Variants in CNKSR2 observed in about 807,000 individuals in gnomAD.
CNKSR2 encodes the protein connector enhancer of kinase suppressor of Ras 2, also known as CNK homolog protein 2.
Under a neutral mutation model 84.4 loss-of-function variants are expected in CNKSR2, and 14 were observed. That is an observed-to-expected ratio of 0.17 (90% confidence interval 0.11 to 0.26). CNKSR2 has a LOEUF of 0.26. Ranked by LOEUF, CNKSR2 falls within the 10% of genes least tolerant of loss-of-function variation. The probability of loss-of-function intolerance (pLI) is 1.00; values close to 1 mark genes in which losing one functional copy is unlikely to be tolerated. For missense variants in CNKSR2, 485 were observed against 771.2 expected (o/e 0.63, Z 4.40); for synonymous variants, 275 against 277.9 (o/e 0.99, Z 0.10).
chrX:21,580,094 C>T (rs754678310), intron 13 of CNKSR2, among the ~76,000 whole-genome samples: 5 of 111,504 alleles, frequency 4.5e-5, no homozygotes, highest in Admixed American at 2.9e-4. Context: ...TTCTTTTTTC[C>T]CTTCTGTTAG....
intron 4 of CNKSR2, among the ~76,000 whole-genome samples, chrX:21,451,466 A>AGACTG (rs919089954): frequency 3.6e-5 from 4 of 110,262 alleles, no homozygotes; most frequent in African/African-American, 1.3e-4. Context: ...TAACAATGAT[A>AGACTG]GACTGGATTA....
Position 21,606,910 on chromosome X carries a change from C to T in CNKSR2, c.2145+31C>T, listed in dbSNP as rs150773489. The T allele has an allele frequency of 1.6e-4, 125 of 765,440 alleles. 1 individual carries two copies. The East Asian group carries it at 4.1e-3, about 25-fold the overall frequency. 63.1% of individuals were successfully genotyped at this position (765,440 alleles called of 1,213,427 possible). A position where few individuals can be genotyped will look rare whatever the true frequency, so the allele number is the denominator to read the frequency against. ...TTAGCAACAAGAACATTACTTATCA[C>T]CAGATTCTTCTACCTGAAACATCCT... On this transcript the variant is annotated intron_variant, in intron 19 of 21. Coordinates refer to ENST00000379510, the MANE Select transcript of CNKSR2 (RefSeq NM_014927.5).
chrX:21,485,108 G>A (rs1348875903), intron 5 of CNKSR2, among the ~76,000 whole-genome samples: 2 of 110,911 alleles, frequency 1.8e-5, no homozygotes, highest in African/African-American at 3.3e-5. Context: ...GCTTGAACCC[G>A]GGAGGTGGAG....
At chrX:21,457,980 G>A (rs1015712717) in intron 4 of CNKSR2, among the ~76,000 whole-genome samples, 35 of 111,980 alleles carry the variant, frequency 3.1e-4, no homozygotes, top group African/African-American at 1.1e-3. Flanking sequence ...TAATAGACTG[G>A]AATCTGCTGT....
chrX:21,508,145 T>G lies in CNKSR2; in HGVS notation c.810+6557T>G, dbSNP rs1020450326. Among the ~76,000 whole-genome samples, 3 of 111,257 alleles carry G rather than the reference T, an allele frequency of 2.7e-5. No homozygotes were observed. In the Admixed American group the frequency reaches 2.9e-4, roughly 11 times the overall value. ...AAGTTCAAGACCAGCCTGGGCAACA[T>G]AGCGAGACCACGTCTCTACAGAAAA... On this transcript the variant is annotated intron_variant, in intron 8 of 21. Transcript: ENST00000379510.
At chrX:21,394,419 T>C (rs777917626) in intron 1 of CNKSR2, among the ~76,000 whole-genome samples, 1 of 112,176 alleles carries the variant, frequency 8.9e-6, no homozygotes, top group Non-Finnish European at 1.9e-5. Flanking sequence ...ACTTCTGTCA[T>C]GTAGCCACTT....
intron 3 of CNKSR2, among the ~76,000 whole-genome samples, chrX:21,435,565 C>G (rs1168654878): frequency 4.5e-5 from 5 of 111,603 alleles, no homozygotes; most frequent in Admixed American, 2.9e-4. Context: ...CAGACTTTCC[C>G]AGAGGAATAG....
chrX:21,588,022 A>C (rs1027103898), intron 13 of CNKSR2, among the ~76,000 whole-genome samples: 1 of 111,914 alleles, frequency 8.9e-6, no homozygotes, highest in Non-Finnish European at 1.9e-5. Flanking sequence ...ATGATAGGTC[A>C]CACAGAGCAT....
intron 11 of CNKSR2, among the ~76,000 whole-genome samples, chrX:21,533,311 G>T (rs2091901046): frequency 9.2e-6 from 1 of 109,059 alleles, no homozygotes; most frequent in Admixed American, 9.8e-5. Flanking sequence ...CCCTACCCTT[G>T]CCCCATGAAA....
In CNKSR2 at chrX:21,374,624, A is replaced by AGCCGCC. The variant is rs771330252; in HGVS notation, c.-272_-271insCGCCGC. The stretch of plus-strand genomic sequence containing the variant: ...CAGCAGCAGCAGCAGCAGCAGCAGC[A>AGCCGCC]GCAGCAGCCGCCGCCGCCGCCGCCT... On this transcript the variant is annotated 5_prime_UTR_variant, in exon 1 of 22. Transcript: ENST00000379510. The AGCCGCC allele has an allele frequency of 3.9e-6, 2 of 510,138 alleles. No individual in the cohort carries two copies. Among genetic ancestry groups the AGCCGCC allele is most frequent in the South Asian group, 2.5e-5 (1 of 39,436 alleles). 42.0% of individuals were successfully genotyped at this position (510,138 alleles called of 1,213,427 possible).
intron 5 of CNKSR2, among the ~76,000 whole-genome samples, chrX:21,475,422 A>G (rs1234628208): frequency 2.7e-5 from 3 of 112,118 alleles, no homozygotes; most frequent in African/African-American, 9.7e-5. Flanking sequence ...GTAGCCAACC[A>G]TTGACTAACC....
At chrX:21,601,379 G>A in intron 18 of CNKSR2, 30 bp downstream of exon 18, 1 of 918,675 alleles carries the variant, frequency 1.1e-6, no homozygotes, top group Non-Finnish European at 1.5e-6. Flanking sequence ...AAATAATTAT[G>A]TTATACTTTT....
At chrX:21,469,674 G>T (rs1199940713) in intron 4 of CNKSR2, among the ~76,000 whole-genome samples, 1 of 110,671 alleles carries the variant, frequency 9.0e-6, no homozygotes, top group Non-Finnish European at 1.9e-5. Flanking sequence ...ACTTTGATCT[G>T]CCGAGGCGGG....
chrX:21,405,351 T>TA (rs1357626253), intron 1 of CNKSR2, among the ~76,000 whole-genome samples: 2 of 112,240 alleles, frequency 1.8e-5, no homozygotes, highest in Non-Finnish European at 3.8e-5. Context: ...GATAGCTTTT[T>TA]AAAAAATAAA....
chrX:21,448,786 G>A (rs975054378), intron 4 of CNKSR2, among the ~76,000 whole-genome samples: 2 of 111,597 alleles, frequency 1.8e-5, no homozygotes, highest in Non-Finnish European at 3.8e-5. Context: ...AAGGCATTTC[G>A]CTTCTGCTGA....
chrX:21,536,497 G>C (rs775532983), intron 11 of CNKSR2, among the ~76,000 whole-genome samples: 1 of 110,613 alleles, frequency 9.0e-6, no homozygotes, highest in Non-Finnish European at 1.9e-5. Context: ...AAGTCATCTG[G>C]TCCTGGGCTT....
intron 13 of CNKSR2, among the ~76,000 whole-genome samples, chrX:21,583,455 A>T (rs758338940): frequency 6.3e-5 from 7 of 111,890 alleles, no homozygotes; most frequent in Non-Finnish European, 1.1e-4. Flanking sequence ...TTAAAATCTC[A>T]AAGAGTTTTA....
rs182888373 is a variant in CNKSR2 at position 21,653,179 on chromosome X, C to A, written c.*658C>A. ...TATGAGAACACTTGGTGTATCAGGGCAAAGCTTTGTAAGATGTTTTTGTAA... is the reference window on the plus strand; with the variant it reads ...TATGAGAACACTTGGTGTATCAGGGAAAAGCTTTGTAAGATGTTTTTGTAA... On this transcript the variant is annotated 3_prime_UTR_variant, in exon 22 of 22. Transcript: ENST00000379510. The A allele has an allele frequency of 2.4e-4, 27 of 111,283 alleles. No individual in the cohort carries two copies. Among genetic ancestry groups the A allele is most frequent in the African/African-American group, 8.8e-4 (27 of 30,698 alleles). 9.2% of individuals were successfully genotyped at this position (111,283 alleles called of 1,213,427 possible).
intron 1 of CNKSR2, among the ~76,000 whole-genome samples, chrX:21,403,027 C>T (rs1057243599): frequency 2.7e-5 from 3 of 110,990 alleles, no homozygotes; most frequent in Non-Finnish European, 3.8e-5. Flanking sequence ...CAGTTAAATA[C>T]CTTGCAGCTT....
Sources: allele counts gnomAD v4.1 joint callset (sites outside exome capture counted in the v4.1 genomes callset), GRCh38; gene constraint gnomAD v4.1.1; transcripts MANE v1.5; gene names NCBI Gene and HGNC (gene_info 2026-07-23, HGNC 2026-07-21).